Variants in RP1 observed in about 807,000 individuals in gnomAD.
RP1 encodes the protein RP1 axonemal microtubule associated, also known as oxygen-regulated protein 1.
Under a neutral mutation model 14.8 loss-of-function variants are expected in RP1, and 16 were observed. The ratio of observed to expected loss-of-function variants is 1.08; its 90% confidence interval spans 0.73 to 1.65. The LOEUF is 1.65. RP1 is among the 40% of genes most tolerant of loss of function. The probability of loss-of-function intolerance (pLI) is 0.00; values close to 1 mark genes in which losing one functional copy is unlikely to be tolerated. For synonymous variants in RP1, 876 were observed against 883.6 expected, an observed-to-expected ratio of 0.99 and a Z score of 0.15; for missense variants, 2,631 against 2,535.0, an observed-to-expected ratio of 1.04 and a Z score of -0.81.
downstream of RP1, among the ~76,000 whole-genome samples, chr8:54,632,094 G>A (rs559995467): frequency 2.0e-5 from 3 of 151,988 alleles, no homozygotes; most frequent in South Asian, 2.1e-4. Context: ...CGCCCGCCTC[G>A]GCCTCCCAAA....
intron 26 of RP1, among the ~76,000 whole-genome samples, chr8:54,853,915 AAG>A (rs1289456701): frequency 1.3e-5 from 2 of 151,204 alleles, no homozygotes; most frequent in Non-Finnish European, 3.0e-5. Context: ...AAAGAGAAAA[AAG>A]AAAAAAGGGA....
chr8:54,760,505 G>A (rs1353963074), intron 22 of RP1, among the ~76,000 whole-genome samples: 1 of 152,074 alleles, frequency 6.6e-6, no homozygotes, highest in Non-Finnish European at 1.5e-5. Context: ...AAATATGGGG[G>A]AAAATAATGT....
chr8:54,829,512 T>C (rs897204597), intron 24 of RP1, among the ~76,000 whole-genome samples: 5 of 152,188 alleles, frequency 3.3e-5, no homozygotes, highest in Non-Finnish European at 7.3e-5. Context: ...AGTATGTTTT[T>C]GGAGGAGACA....
intron 19 of RP1, among the ~76,000 whole-genome samples, chr8:54,745,680 T>C (rs1173275886): frequency 1.4e-5 from 2 of 139,924 alleles, no homozygotes; most frequent in Non-Finnish European, 3.1e-5. Flanking sequence ...TCTTTTTCCT[T>C]TTTTTTTTTT....
chr8:54,799,109 C>T (rs1810641093), intron 24 of RP1, among the ~76,000 whole-genome samples: 2 of 151,538 alleles, frequency 1.3e-5, no homozygotes, highest in Admixed American at 6.6e-5. Context: ...AGTAGAAAAG[C>T]TTTTTATTTT....
At chr8:54,694,366 A>G (rs1350491093) in intron 12 of RP1, among the ~76,000 whole-genome samples, 1 of 152,002 alleles carries the variant, frequency 6.6e-6, no homozygotes, top group Non-Finnish European at 1.5e-5. Flanking sequence ...CTCTTTTTCT[A>G]TTGATTGGAA....
chr8:54,650,681 C>T (rs1196682660), intron 4 of RP1, among the ~76,000 whole-genome samples: 1 of 138,742 alleles, frequency 7.2e-6, no homozygotes, highest in African/African-American at 2.7e-5. Context: ...TACCTCCCTC[C>T]TCCCTCCTCC....
At chr8:54,803,347 T>C (rs899972469) in intron 24 of RP1, among the ~76,000 whole-genome samples, 2 of 152,156 alleles carry the variant, frequency 1.3e-5, no homozygotes, top group African/African-American at 4.8e-5. Context: ...ATGTCACAGA[T>C]GAACACGGGA....
chr8:54,655,957 A>G, intron 5 of RP1: 1 of 608,970 alleles, frequency 1.6e-6, no homozygotes, highest in East Asian at 3.3e-5. Context: ...AGCACTGTCA[A>G]ATTATCAACA....
intron 1 of RP1, among the ~76,000 whole-genome samples, chr8:54,607,666 C>T (rs1384916703): frequency 6.6e-6 from 1 of 152,174 alleles, no homozygotes; most frequent in Non-Finnish European, 1.5e-5. Flanking sequence ...GGCAGGCAGG[C>T]CTCCTTGAGC....
chr8:54,718,188 G>A (rs1043573707), intron 15 of RP1, among the ~76,000 whole-genome samples: 2 of 152,082 alleles, frequency 1.3e-5, no homozygotes, highest in African/African-American at 4.8e-5. Context: ...CAAAATTCCA[G>A]CAAGCTATTT....
intron 3 of RP1, among the ~76,000 whole-genome samples, chr8:54,646,530 T>C (rs1043214549): frequency 6.6e-6 from 1 of 152,188 alleles, no homozygotes; most frequent in African/African-American, 2.4e-5. Flanking sequence ...AATGACCCAA[T>C]GACTTGTTGG....
rs570572797 is a variant in RP1 at position 54,692,933 on chromosome 8, G to C, written c.1718-6534G>C. 1.2e-3 allele frequency among the ~76,000 whole-genome samples: 177 copies of C among 152,168 alleles called. 2 individuals carry two copies. Among genetic ancestry groups the C allele is most frequent in the Non-Finnish European group, 1.6e-3 (106 of 68,014 alleles). On this transcript the variant is annotated intron_variant, in intron 12 of 22. Transcript: ENST00000636932. ...ATGGTATTGCCTAGGTTTTCTTCTA[G>C]GGTTTTTATGGTTTTAGGTCTAACA...
chr8:54,661,643 A>C (rs1438903439), intron 6 of RP1, among the ~76,000 whole-genome samples: 1 of 152,132 alleles, frequency 6.6e-6, no homozygotes, highest in Non-Finnish European at 1.5e-5. Flanking sequence ...AATCCAGAGG[A>C]TGGAGCTGGT....
chr8:54,609,489 CACA>C (rs534541269), intron 1 of RP1, among the ~76,000 whole-genome samples: 187 of 152,116 alleles, frequency 1.2e-3, no homozygotes, highest in African/African-American at 4.4e-3. Flanking sequence ...CAAAACAAAA[CACA>C]ACAACAAAAA....
At chr8:54,823,374 A>T (rs1406260415) in intron 24 of RP1, among the ~76,000 whole-genome samples, 2 of 152,144 alleles carry the variant, frequency 1.3e-5, no homozygotes, top group African/African-American at 2.4e-5. Context: ...TCTGTTGCCC[A>T]GACTGGAGTG....
At chr8:54,827,915 A>G (rs953483192) in intron 24 of RP1, among the ~76,000 whole-genome samples, 1 of 151,970 alleles carries the variant, frequency 6.6e-6, no homozygotes, top group African/African-American at 2.4e-5. Flanking sequence ...AAAAGTAGTA[A>G]TTATTTTTTT....
chr8:54,842,485 C>A (rs1006712594), intron 25 of RP1, among the ~76,000 whole-genome samples: 4 of 152,088 alleles, frequency 2.6e-5, no homozygotes, highest in Non-Finnish European at 5.9e-5. Flanking sequence ...GGGTTTCCAC[C>A]AGGAGCACGG....
intron 15 of RP1, among the ~76,000 whole-genome samples, chr8:54,716,312 G>A (rs1808402803): frequency 6.6e-6 from 1 of 152,000 alleles, no homozygotes; most frequent in African/African-American, 2.4e-5. Context: ...CTATCTAGTT[G>A]AAAGATTAGT....
Sources: allele counts gnomAD v4.1 joint callset (sites outside exome capture counted in the v4.1 genomes callset), GRCh38; gene constraint gnomAD v4.1.1; transcripts MANE v1.5; gene names NCBI Gene and HGNC (gene_info 2026-07-23, HGNC 2026-07-21).